Variants in CD33 observed in about 807,000 individuals in gnomAD.
CD33 encodes myeloid cell surface antigen CD33.
In CD33, 25 loss-of-function variants were observed where a neutral mutation model predicts 31.4. That is an observed-to-expected ratio of 0.80 (90% confidence interval 0.58 to 1.11). CD33 has a LOEUF of 1.11. CD33 is among the 50% of genes most tolerant of loss of function. The probability of loss-of-function intolerance (pLI) is 0.00; values close to 1 mark genes in which losing one functional copy is unlikely to be tolerated. For synonymous variants in CD33, 176 were observed against 180.6 expected, an observed-to-expected ratio of 0.97 and a Z score of 0.20; for missense variants, 407 against 448.1, an observed-to-expected ratio of 0.91 and a Z score of 0.83.
At chr19:51,211,641 G>C in the CD33 span, 1 of 1,301,888 alleles carries the variant, frequency 7.7e-7, no homozygotes, top group South Asian at 1.5e-5. Flanking sequence ...GGGACCTCAG[G>C]ACAGGGCTTG....
intron 4 of CD33, among the ~76,000 whole-genome samples, chr19:51,232,655 A>G (rs1214721658): frequency 2.0e-5 from 3 of 151,890 alleles, no homozygotes; most frequent in Non-Finnish European, 4.4e-5. Flanking sequence ...TTCAGAAATT[A>G]TTTTTTCTTC....
upstream of CD33, among the ~76,000 whole-genome samples, chr19:51,220,673 G>A (rs895265430): frequency 2.0e-5 from 3 of 152,122 alleles, no homozygotes; most frequent in Admixed American, 6.5e-5. Flanking sequence ...TAACAATACA[G>A]GCTCAAGAAA....
intron 4 of CD33, among the ~76,000 whole-genome samples, chr19:51,232,515 TCTC>T (rs1261861667): frequency 1.3e-5 from 2 of 152,188 alleles, no homozygotes; most frequent in Non-Finnish European, 2.9e-5. Flanking sequence ...TCCATTCTCT[TCTC>T]CTCCTGGAAA....
At chr19:51,219,974 G>T in the CD33 span, among the ~76,000 whole-genome samples, 14 of 152,182 alleles carry the variant, frequency 9.2e-5, no homozygotes, top group Non-Finnish European at 1.9e-4. Flanking sequence ...AGGGATATTG[G>T]ACTGTAATTT....
chr19:51,233,229 CTGG>C (rs1270128293), intron 4 of CD33, among the ~76,000 whole-genome samples: 1 of 152,236 alleles, frequency 6.6e-6, no homozygotes, highest in Non-Finnish European at 1.5e-5. Context: ...CTACCCCAGC[CTGG>C]GGATGTATCA....
In CD33 at chr19:51,225,089, C is replaced by T; in HGVS notation, c.-30C>T. Reference sequence around the variant, plus strand: ...ACTCCCTTCCTCTTTTCTGCTCACACAGGAAGCCCTGGAAGCTGCTTCCTC... The same window carrying T: ...ACTCCCTTCCTCTTTTCTGCTCACATAGGAAGCCCTGGAAGCTGCTTCCTC... On this transcript the variant is annotated 5_prime_UTR_variant, in exon 1 of 7. Transcript: ENST00000262262. 2 of 1,613,132 alleles carry T rather than the reference C, an allele frequency of 1.2e-6. No individual in the cohort carries two copies. The highest frequency in any genetic ancestry group is 8.5e-7 in the Non-Finnish European group (1 of 1,179,878).
rs751409712 is a variant in CD33, at chr19:51,235,627, C to G, written c.875C>G (p.Thr292Arg). The G allele has an allele frequency of 1.9e-6, 3 of 1,613,924 alleles. No homozygotes were observed. The highest frequency in any genetic ancestry group is 4.5e-5 in the East Asian group (2 of 44,888). The change falls in exon 6 of 7, where the codon ACA (threonine) becomes AGA (arginine). Residue 292 changes from threonine to arginine, a missense_variant. By Grantham distance (71) the Thr-to-Arg change is moderately conservative. Transcript: ENST00000262262. ...ACCCACAGGAGGAAAGCAGCCAGGA[C>G]AGCAGTGGGCAGGAATGACACCCAC... Reference protein sequence around the residue: ...VKTHRRKAARTAVGRNDTHPT... With the variant: ...VKTHRRKAARRAVGRNDTHPT...
At chr19:51,214,197 C>CTTTTTTTT in the CD33 span, among the ~76,000 whole-genome samples, 1 of 107,062 alleles carries the variant, frequency 9.3e-6, no homozygotes, top group African/African-American at 3.7e-5. Flanking sequence ...TGTTTCTTTT[C>CTTTTTTTT]TTTCTTTTTT....
At chr19:51,237,749 T>C (rs1286642689) in intron 6 of CD33, 2 of 152,242 alleles carry the variant, frequency 1.3e-5, no homozygotes, top group South Asian at 2.1e-4. Context: ...TAGTTATTGA[T>C]GCGTTTAGAG....
intron 4 of CD33, among the ~76,000 whole-genome samples, chr19:51,228,892 T>G (rs1332858006): frequency 6.6e-6 from 1 of 152,228 alleles, no homozygotes; most frequent in African/African-American, 2.4e-5. Flanking sequence ...ATGGTTTTTA[T>G]TTCTTTCTCT....
At chr19:51,220,833 G>A (rs1980655327), upstream of CD33, among the ~76,000 whole-genome samples, 1 of 152,056 alleles carries the variant, frequency 6.6e-6, no homozygotes, top group South Asian at 2.1e-4. Context: ...ACACTAGTGG[G>A]CCAACTCATG....
At chr19:51,212,200 A>G in the CD33 span, 1 of 370,662 alleles carries the variant, frequency 2.7e-6, no homozygotes. Context: ...GACCTAGGCC[A>G]CAAGCCCTGT....
upstream of CD33, chr19:51,225,028 C>A: frequency 6.6e-7 from 1 of 1,524,414 alleles, no homozygotes; most frequent in South Asian, 1.2e-5. Flanking sequence ...CTGCTCCTCC[C>A]CAGCTTCCTG....
Position 51,235,239 on chromosome 19 carries a change from C to T in CD33, c.828C>T (p.Cys276=). Residue 276 remains cysteine (C), a synonymous_variant, in exon 5 of 7, where the codon TGC becomes TGT. Transcript: ENST00000262262. ...GVTALLALCL[C]LIFFIVKTHR... is the part of the protein sequence containing the mutation. ...CAGCCCTGCTCGCTCTTTGTCTCTGCCTCATCTTCTTCATGTGAGCATTTT... is the reference window on the plus strand; with the variant it reads ...CAGCCCTGCTCGCTCTTTGTCTCTGTCTCATCTTCTTCATGTGAGCATTTT... 6.2e-7 allele frequency: 1 copy of T among 1,613,874 alleles called. No homozygotes were observed. Among genetic ancestry groups the T allele is most frequent in the Non-Finnish European group, 8.5e-7 (1 of 1,179,756 alleles).
intron 4 of CD33, among the ~76,000 whole-genome samples, chr19:51,231,395 T>C (rs1981400923): frequency 1.3e-5 from 2 of 152,366 alleles, no homozygotes; most frequent in Admixed American, 6.5e-5. Flanking sequence ...CGGCCTAGTG[T>C]TGGATCTGAT....
In CD33 at chr19:51,225,784, C is replaced by T; in HGVS notation, c.419-19C>T. On this transcript the variant is annotated intron_variant, in intron 2 of 6. Coordinates refer to ENST00000262262, the MANE Select transcript of CD33 (RefSeq NM_001772.4). ...GGACCCTCCCTCCTGATTCTGCATC[C>T]CCTCTTTCTCCTCACTAGACTTGAC... 5 of 1,606,402 alleles carry T rather than the reference C, an allele frequency of 3.1e-6. No homozygotes were observed. The highest frequency in any genetic ancestry group is 4.3e-6 in the Non-Finnish European group (5 of 1,174,744).
chr19:51,230,727 C>T (rs894703398), intron 4 of CD33, among the ~76,000 whole-genome samples: 1 of 152,184 alleles, frequency 6.6e-6, no homozygotes, highest in Non-Finnish European at 1.5e-5. Flanking sequence ...TCCATCTCTT[C>T]CTTTTCAGTC....
chr19:51,211,492 G>A, the CD33 span: 22 of 1,554,058 alleles, frequency 1.4e-5, no homozygotes, highest in African/African-American at 5.5e-5. Context: ...CATCGTAGAC[G>A]CCAGGAGGAG....
chr19:51,220,447 T>C (rs942394737), upstream of CD33, among the ~76,000 whole-genome samples: 2 of 151,820 alleles, frequency 1.3e-5, no homozygotes, highest in Non-Finnish European at 3.0e-5. Flanking sequence ...TTGTGGCTGG[T>C]GTCATTCCTT....
Sources: allele counts gnomAD v4.1 joint callset (sites outside exome capture counted in the v4.1 genomes callset), GRCh38; gene constraint gnomAD v4.1.1; transcripts MANE v1.5; gene names NCBI Gene and HGNC (gene_info 2026-07-23, HGNC 2026-07-21).